NRXN3: variants seen among roughly 807,000 people sequenced by gnomAD.
NRXN3 encodes the protein neurexin 3.
A neutral mutation model predicts 137.6 loss-of-function variants in NRXN3; 32 were observed. The observed-to-expected ratio is 0.23, with a 90% CI of 0.18 to 0.31. The LOEUF (loss-of-function observed/expected upper bound fraction) is 0.31, where lower values mean the gene tolerates loss of function less well. Ranked by LOEUF, NRXN3 falls within the 10% of genes least tolerant of loss-of-function variation. The pLI is 1.00. For missense variants in NRXN3, 1,574 were observed against 2,062.5 expected, an observed-to-expected ratio of 0.76 and a Z score of 4.59; for synonymous variants, 798 against 784.5, an observed-to-expected ratio of 1.02 and a Z score of -0.29.
intron 4 of NRXN3, among the ~76,000 whole-genome samples, chr14:78,420,016 A>G (rs557909467): frequency 6.6e-6 from 1 of 152,074 alleles, no homozygotes; most frequent in South Asian, 2.1e-4. Flanking sequence ...TGATAATAAT[A>G]CATAGTTTTT....
chr14:78,860,522 T>A (rs998033590), intron 10 of NRXN3, among the ~76,000 whole-genome samples: 1 of 152,142 alleles, frequency 6.6e-6, no homozygotes, highest in South Asian at 2.1e-4. Context: ...GGGTTGGAAT[T>A]TCCATCAAGT....
intron 4 of NRXN3, among the ~76,000 whole-genome samples, chr14:78,564,718 C>T (rs8022715): frequency 0.017 from 2,521 of 152,244 alleles, 83 homozygotes; most frequent in African/African-American, 0.058. Flanking sequence ...TACTGTTTCC[C>T]TAGGCTGTTG....
At chr14:79,203,095 A>G (rs999120444) in intron 15 of NRXN3, among the ~76,000 whole-genome samples, 1 of 152,108 alleles carries the variant, frequency 6.6e-6, no homozygotes, top group Non-Finnish European at 1.5e-5. Flanking sequence ...TCCTGTTGAA[A>G]TGGAATCTTT....
chr14:78,526,726 T>C (rs1260379650), intron 4 of NRXN3: 1 of 516,870 alleles, frequency 1.9e-6, no homozygotes, highest in Non-Finnish European at 3.9e-6. Context: ...TGTACAATAA[T>C]CCTAAGAGGT....
chr14:79,462,916 A>ATGTG (rs2096371007), intron 15 of NRXN3, among the ~76,000 whole-genome samples: 1 of 152,078 alleles, frequency 6.6e-6, no homozygotes, highest in African/African-American at 2.4e-5. Context: ...GTACATACAC[A>ATGTG]TATGTATGTA....
At chr14:79,435,807 A>T (rs1321060531) in intron 15 of NRXN3, among the ~76,000 whole-genome samples, 2 of 151,710 alleles carry the variant, frequency 1.3e-5, no homozygotes, top group Non-Finnish European at 2.9e-5. Flanking sequence ...GCTGATTTTT[A>T]ATTTTTTGTA....
intron 15 of NRXN3, among the ~76,000 whole-genome samples, chr14:79,430,789 T>C (rs2095739899): frequency 6.6e-6 from 1 of 152,220 alleles, no homozygotes; most frequent in Admixed American, 6.5e-5. Flanking sequence ...TATAAGGAGA[T>C]AATTTTTGCT....
intron 8 of NRXN3, among the ~76,000 whole-genome samples, chr14:78,803,353 GGTACCCTTCAC>G (rs2098845145): frequency 6.6e-6 from 1 of 151,894 alleles, no homozygotes; most frequent in African/African-American, 2.4e-5. Context: ...TATTTAATTT[GGTACCCTTCAC>G]AAGTCTATGA....
chr14:78,805,600 GAA>G (rs201107127), intron 9 of NRXN3, among the ~76,000 whole-genome samples: 30 of 92,812 alleles, frequency 3.2e-4, no homozygotes, highest in East Asian at 1.3e-3. Context: ...AAAAACAACA[GAA>G]AAAAAAAAAA....
intron 15 of NRXN3, chr14:79,279,418 G>A: frequency 1.0e-6 from 1 of 986,048 alleles, no homozygotes; most frequent in Non-Finnish European, 1.2e-6. Context: ...CGCGCACTTC[G>A]CAGGCGCCCG....
chr14:79,070,770 TA>T (rs2099686623), intron 15 of NRXN3, among the ~76,000 whole-genome samples: 1 of 152,210 alleles, frequency 6.6e-6, no homozygotes, highest in South Asian at 2.1e-4. Flanking sequence ...AGAATTATTA[TA>T]ACTACTACCA....
intron 15 of NRXN3, among the ~76,000 whole-genome samples, chr14:79,060,265 C>T (rs2099672531): frequency 6.6e-6 from 1 of 152,236 alleles, no homozygotes; most frequent in Non-Finnish European, 1.5e-5. Flanking sequence ...AGAGATTCAA[C>T]AGCAAGTACT....
At chr14:78,597,667 C>G (rs2097168936) in intron 4 of NRXN3, among the ~76,000 whole-genome samples, 1 of 152,196 alleles carries the variant, frequency 6.6e-6, no homozygotes, top group African/African-American at 2.4e-5. Flanking sequence ...AAGGGCCCTA[C>G]TAACAATAAG....
intron 16 of NRXN3, among the ~76,000 whole-genome samples, chr14:79,499,410 A>G (rs2096797920): frequency 6.6e-6 from 1 of 152,256 alleles, no homozygotes; most frequent in South Asian, 2.1e-4. Flanking sequence ...CCTCCTCAAA[A>G]TGATCTTTTT....
At chr14:78,228,703 A>G (rs1454947644) in intron 1 of NRXN3, among the ~76,000 whole-genome samples, 2 of 152,196 alleles carry the variant, frequency 1.3e-5, no homozygotes, top group African/African-American at 4.8e-5. Flanking sequence ...AAAGCTCCTC[A>G]GTGGTAGAGC....
intron 15 of NRXN3, among the ~76,000 whole-genome samples, chr14:79,174,567 C>T (rs1362838078): frequency 6.8e-6 from 1 of 146,120 alleles, no homozygotes; most frequent in Non-Finnish European, 1.5e-5. Flanking sequence ...ATGAGACTCT[C>T]ATAGAAATAA....
At chr14:78,470,123 A>C (rs1388071737) in intron 4 of NRXN3, among the ~76,000 whole-genome samples, 1 of 152,190 alleles carries the variant, frequency 6.6e-6, no homozygotes, top group Non-Finnish European at 1.5e-5. Flanking sequence ...TTTATCCTCC[A>C]TAAGCCTCAT....
At chr14:78,674,315 A>G (rs1190680530) in intron 6 of NRXN3, among the ~76,000 whole-genome samples, 8 of 152,208 alleles carry the variant, frequency 5.3e-5, no homozygotes, top group African/African-American at 1.9e-4. Context: ...ACACATTTGT[A>G]GGCACTGATT....
At chr14:78,747,444 A>C (rs1404020712) in intron 8 of NRXN3, among the ~76,000 whole-genome samples, 1 of 152,242 alleles carries the variant, frequency 6.6e-6, no homozygotes, top group Non-Finnish European at 1.5e-5. Flanking sequence ...ACTGGTAAAT[A>C]GTGAAAGAAG....
Sources: gnomAD v4.1 joint callset for allele counts (sites outside exome capture counted in the v4.1 genomes callset) on GRCh38, gnomAD v4.1.1 for gene constraint, MANE v1.5 for transcripts, NCBI Gene and HGNC (gene_info 2026-07-23, HGNC 2026-07-21) for gene names.